KCNK2: variants seen among roughly 807,000 people sequenced by gnomAD.
The protein encoded by KCNK2 is potassium channel subfamily K member 2.
In KCNK2, 21 loss-of-function variants were observed where a neutral mutation model predicts 40.5. The ratio of observed to expected loss-of-function variants is 0.52; its 90% CI spans 0.37 to 0.75. KCNK2 has a LOEUF of 0.75. Ranked by LOEUF, KCNK2 falls within the 30% of genes least tolerant of loss-of-function variation. KCNK2 has a pLI of 0.00. For missense variants in KCNK2, 399 were observed against 531.6 expected (o/e 0.75, Z 2.45); for synonymous variants, 191 against 202.2 (o/e 0.94, Z 0.47).
At chr1:215,126,157 G>A (rs1042513726) in intron 3 of KCNK2, among the ~76,000 whole-genome samples, 18 of 152,024 alleles carry the variant, frequency 1.2e-4, no homozygotes, top group Admixed American at 5.9e-4. Context: ...GAAAATTTAC[G>A]GATGAACTCT....
intron 2 of KCNK2, among the ~76,000 whole-genome samples, chr1:215,089,150 T>G (rs1294633428): frequency 6.6e-6 from 1 of 152,200 alleles, no homozygotes; most frequent in Non-Finnish European, 1.5e-5. Context: ...TTTTTCACAT[T>G]TATTTTCCCA....
intron 5 of KCNK2, among the ~76,000 whole-genome samples, chr1:215,182,464 A>G (rs1304168871): frequency 1.3e-5 from 2 of 152,092 alleles, no homozygotes; most frequent in Non-Finnish European, 2.9e-5. Flanking sequence ...CTGCACTACA[A>G]TCTCAGGGGA....
At chr1:215,065,601 C>T (rs1191898949) in intron 1 of KCNK2, among the ~76,000 whole-genome samples, 1 of 152,088 alleles carries the variant, frequency 6.6e-6, no homozygotes, top group Non-Finnish European at 1.5e-5. Context: ...GCCCAGGAAC[C>T]ACATGGTAAA....
chr1:215,031,934 T>C (rs1038021641), intron 1 of KCNK2, among the ~76,000 whole-genome samples: 1 of 152,186 alleles, frequency 6.6e-6, no homozygotes, highest in African/African-American at 2.4e-5. Flanking sequence ...ACTACTTCAC[T>C]GCTAGTGCCA....
intron 1 of KCNK2, among the ~76,000 whole-genome samples, chr1:215,051,995 C>G (rs1658006610): frequency 6.6e-6 from 1 of 152,166 alleles, no homozygotes; most frequent in Admixed American, 6.5e-5. Flanking sequence ...ATTCATCCAG[C>G]AAACATTTAT....
At chr1:215,114,787 A>C (rs1280687396) in intron 2 of KCNK2, among the ~76,000 whole-genome samples, 1 of 152,140 alleles carries the variant, frequency 6.6e-6, no homozygotes, top group Non-Finnish European at 1.5e-5. Flanking sequence ...TGGAGCCTAA[A>C]AGCACAGAAA....
chr1:215,233,274 G>A (rs1023520335), intron 6 of KCNK2, among the ~76,000 whole-genome samples: 1 of 151,652 alleles, frequency 6.6e-6, no homozygotes, highest in Non-Finnish European at 1.5e-5. Context: ...TAGATATCAA[G>A]CAATTATTTC....
rs1661395379 is a variant in KCNK2, at chr1:215,125,744, AT to A, written c.475+995del. Among the ~76,000 whole-genome samples, 3 of 5,302 alleles carry A rather than the reference AT, an allele frequency of 5.7e-4. No individual in the cohort carries two copies. In the East Asian group the frequency reaches 8.2e-3, roughly 15 times the overall value. The allele number at this position is 5,302 out of a possible 152,430, so 3.5% of individuals were successfully genotyped here. A position where few individuals can be genotyped will look rare whatever the true frequency, so the allele number is the denominator to read the frequency against. On this transcript the variant is annotated intron_variant, in intron 3 of 6. Coordinates refer to ENST00000444842, the MANE Select transcript of KCNK2 (RefSeq NM_001017425.3). The stretch of plus-strand genomic sequence containing the variant: ...CTAGAACTTGAAGTATAATAAATAT[AT>A]ATATATATATATATATATATATATA...
intron 5 of KCNK2, among the ~76,000 whole-genome samples, chr1:215,187,262 A>T (rs1052571960): frequency 2.0e-5 from 3 of 152,174 alleles, no homozygotes; most frequent in Non-Finnish European, 1.5e-5. Flanking sequence ...ATCAATAATG[A>T]TGTATAATCA....
At chr1:215,007,232 C>T (rs1030305011) in intron 1 of KCNK2, among the ~76,000 whole-genome samples, 2 of 109,436 alleles carry the variant, frequency 1.8e-5, no homozygotes, top group Admixed American at 2.1e-4. Context: ...TATATAGGCT[C>T]ATTTCCAATT....
Position 215,169,190 on chromosome 1 carries a change from T to G in KCNK2, c.476-9T>G, listed in dbSNP as rs1265794068. 6.3e-7 allele frequency: 1 copy of G among 1,585,474 alleles called. No individual in the cohort carries two copies. Among genetic ancestry groups the G allele is most frequent in the African/African-American group, 1.4e-5 (1 of 73,438 alleles). ...TTATTCATTTGTAAACAATGTAATTTTTTTAAAGGATTTGGAAACATCTCA... is the reference window on the plus strand; with the variant it reads ...TTATTCATTTGTAAACAATGTAATTGTTTTAAAGGATTTGGAAACATCTCA... On this transcript the variant is annotated splice_polypyrimidine_tract_variant and intron_variant, in intron 3 of 6. Coordinates refer to ENST00000444842, the MANE Select transcript of KCNK2 (RefSeq NM_001017425.3).
At chr1:215,166,666 C>T (rs1444531486) in intron 3 of KCNK2, among the ~76,000 whole-genome samples, 1 of 152,100 alleles carries the variant, frequency 6.6e-6, no homozygotes, top group African/African-American at 2.4e-5. Context: ...CCAGTCTCCC[C>T]TCCTTCACCA....
At chr1:215,149,145 A>G (rs557193179) in intron 3 of KCNK2, among the ~76,000 whole-genome samples, 18 of 152,288 alleles carry the variant, frequency 1.2e-4, no homozygotes, top group African/African-American at 3.9e-4. Flanking sequence ...AAAAACACAG[A>G]CAGGCTGTTT....
At chr1:215,141,161 C>T (rs1033102512) in intron 3 of KCNK2, among the ~76,000 whole-genome samples, 21 of 152,030 alleles carry the variant, frequency 1.4e-4, no homozygotes, top group African/African-American at 5.1e-4. Context: ...CCTATGATAA[C>T]AATAACTTCT....
chr1:215,127,213 G>A (rs937741972), intron 3 of KCNK2, among the ~76,000 whole-genome samples: 17 of 152,062 alleles, frequency 1.1e-4, no homozygotes, highest in Admixed American at 9.2e-4. Flanking sequence ...AGTGCTTCAC[G>A]GAGCTGAGTT....
chr1:215,031,983 T>G (rs1657207059), intron 1 of KCNK2, among the ~76,000 whole-genome samples: 1 of 152,208 alleles, frequency 6.6e-6, no homozygotes, highest in African/African-American at 2.4e-5. Flanking sequence ...AAATTTTCCC[T>G]CCTGTTCTCG....
chr1:215,010,662 A>G (rs570280654), intron 1 of KCNK2, among the ~76,000 whole-genome samples: 1 of 152,326 alleles, frequency 6.6e-6, no homozygotes, highest in South Asian at 2.1e-4. Flanking sequence ...TAAGAGGTCA[A>G]GGTGAATTGA....
At chr1:215,055,562 A>T (rs1265491692) in intron 1 of KCNK2, among the ~76,000 whole-genome samples, 1 of 152,228 alleles carries the variant, frequency 6.6e-6, no homozygotes, top group Non-Finnish European at 1.5e-5. Flanking sequence ...AGGAAGTAAA[A>T]TAGGCCCCAG....
chr1:215,086,285 C>A (rs1659431650), intron 1 of KCNK2, 83 bp from the exon 2 acceptor site: 11 of 1,147,384 alleles, frequency 9.6e-6, no homozygotes, highest in Non-Finnish European at 1.3e-5. Context: ...TTCAATCAAC[C>A]TTCTCTGACC....
Sources: gnomAD v4.1 joint callset for allele counts (sites outside exome capture counted in the v4.1 genomes callset) on GRCh38, gnomAD v4.1.1 for gene constraint, MANE v1.5 for transcripts, NCBI Gene and HGNC (gene_info 2026-07-23, HGNC 2026-07-21) for gene names.